EIF3J: variants seen among roughly 807,000 people sequenced by gnomAD.
EIF3J encodes the protein eukaryotic translation initiation factor 3, subunit 1 (alpha, 35kD).
EIF3J carries 15 observed loss-of-function variants against 39.0 expected under a neutral mutation model. The ratio of observed to expected loss-of-function variants is 0.38; its 90% confidence interval spans 0.26 to 0.59. The LOEUF (loss-of-function observed/expected upper bound fraction) is 0.59, where lower values mean the gene tolerates loss of function less well. Among genes scored for constraint, EIF3J ranks in the 20% least tolerant of loss-of-function variants. EIF3J has a pLI of 0.60. For synonymous variants in EIF3J, 98 were observed against 112.9 expected, an observed-to-expected ratio of 0.87 and a Z score of 0.84; for missense variants, 226 against 308.6, an observed-to-expected ratio of 0.73 and a Z score of 2.00.
At chr15:44,539,985 G>A (rs1332566359) in intron 2 of EIF3J, among the ~76,000 whole-genome samples, 18 of 147,204 alleles carry the variant, frequency 1.2e-4, no homozygotes, top group African/African-American at 4.2e-4. Flanking sequence ...TGTCACCCAG[G>A]CTGGAGTGCC....
chr15:44,546,644 G>C (rs1448095786), intron 2 of EIF3J, among the ~76,000 whole-genome samples: 4 of 152,000 alleles, frequency 2.6e-5, no homozygotes, highest in Non-Finnish European at 5.9e-5. Context: ...TGGCTGCTGA[G>C]ACAATGGCCA....
chr15:44,540,969 G>C (rs1395637219), intron 2 of EIF3J, among the ~76,000 whole-genome samples: 1 of 152,134 alleles, frequency 6.6e-6, no homozygotes, highest in Admixed American at 6.5e-5. Context: ...TTAGTATTTT[G>C]CTGTCCTTGA....
chr15:44,562,032 A>G lies in EIF3J; in HGVS notation c.*883A>G, dbSNP rs1423358783. 6.6e-6 allele frequency: 1 copy of G among 152,662 alleles called. No individual in the cohort carries two copies. Among genetic ancestry groups the G allele is most frequent in the Non-Finnish European group, 1.5e-5 (1 of 68,038 alleles). The allele number at this position is 152,662 out of a possible 1,614,324, so 9.5% of individuals were successfully genotyped here. On this transcript the variant is annotated 3_prime_UTR_variant, in exon 8 of 8. Transcript: ENST00000261868. ...AAATTGTTATGTTAACAATTATGAC[A>G]TCTGCAATGTTTTATAAAGCAACTA...
rs1205494417 is a variant in EIF3J at position 44,556,274 on chromosome 15, C to A, written c.410-1215C>A. 2.0e-5 allele frequency among the ~76,000 whole-genome samples: 3 copies of A among 152,192 alleles called. 1 individual carries two copies. The East Asian group carries it at 5.8e-4, about 29-fold the overall frequency. On this transcript the variant is annotated intron_variant, in intron 5 of 7. Coordinates refer to ENST00000261868, the MANE Select transcript of EIF3J (RefSeq NM_003758.4). The stretch of plus-strand genomic sequence containing the variant: ...TCTTTGTTTCTTATTCTTTTTGTTC[C>A]CTCTCTCCCCACTTTACTGTGGGGG...
intron 3 of EIF3J, among the ~76,000 whole-genome samples, 188 bp from the exon 4 acceptor site, chr15:44,551,243 T>G (rs1029499768): frequency 2.6e-5 from 4 of 152,162 alleles, no homozygotes; most frequent in Non-Finnish European, 4.4e-5. Flanking sequence ...AAGAGATATT[T>G]GGATCTTAGG....
intron 2 of EIF3J, among the ~76,000 whole-genome samples, chr15:44,544,288 G>GAT (rs1296308550): frequency 3.3e-5 from 5 of 151,362 alleles, no homozygotes; most frequent in Non-Finnish European, 5.9e-5. Context: ...AGTAGAAACA[G>GAT]GGGTTTGCCA....
In EIF3J at chr15:44,538,663, C is replaced by G. The variant is rs557458158; in HGVS notation, c.147+1236C>G. ...TTTGCACACATTGAAGTTAATAAATCGACTGGTTATTGTTTGAAGACACTC... is the reference window on the plus strand; with the variant it reads ...TTTGCACACATTGAAGTTAATAAATGGACTGGTTATTGTTTGAAGACACTC... On this transcript the variant is annotated intron_variant, in intron 2 of 7. Coordinates refer to ENST00000261868, the MANE Select transcript of EIF3J (RefSeq NM_003758.4). Among the ~76,000 whole-genome samples the G allele has an allele frequency of 3.3e-5, 5 of 152,250 alleles. No individual in the cohort carries two copies. The East Asian group carries it at 9.6e-4, about 29-fold the overall frequency.
chr15:44,547,402 C>T (rs2082062615), intron 2 of EIF3J, among the ~76,000 whole-genome samples: 1 of 151,260 alleles, frequency 6.6e-6, no homozygotes, highest in Non-Finnish European at 1.5e-5. Flanking sequence ...CTTGGCCTCC[C>T]AAAGTGTTGG....
At chr15:44,559,709 A>G (rs1397697551) in intron 6 of EIF3J, among the ~76,000 whole-genome samples, 8 of 150,806 alleles carry the variant, frequency 5.3e-5, no homozygotes, top group East Asian at 2.0e-4. Flanking sequence ...TCCATCTCAA[A>G]AAAAAAAAAA....
At chr15:44,555,570 C>CA (rs2140900786) in intron 5 of EIF3J, among the ~76,000 whole-genome samples, 1 of 152,318 alleles carries the variant, frequency 6.6e-6, no homozygotes, top group Non-Finnish European at 1.5e-5. Context: ...GTCTTAACTG[C>CA]ACTCATCTAA....
intron 4 of EIF3J, among the ~76,000 whole-genome samples, 157 bp from the exon 5 acceptor site, chr15:44,554,396 A>AAC (rs1224100172): frequency 6.6e-5 from 10 of 151,846 alleles, no homozygotes; most frequent in African/African-American, 2.2e-4. Context: ...AAAAAAAAAA[A>AAC]AAAACTAAAG....
In EIF3J at chr15:44,560,299, A is replaced by G. The variant is rs928861757; in HGVS notation, c.622A>G (p.Ser208Gly). The G allele has an allele frequency of 6.2e-7, 1 of 1,612,680 alleles. No individual in the cohort carries two copies. The highest frequency in any genetic ancestry group is 2.2e-5 in the East Asian group (1 of 44,844). The change falls in exon 7 of 8, where the codon AGT becomes GGT. Residue 208 changes from serine to glycine, a missense_variant. This residue lies in a region of EIF3J where 83 missense variants were observed against 152.6 expected (regional missense o/e 0.54). Transcript: ENST00000261868. ...TACCAATTCACTGACTGTGCTTTGCAGTGAAAAACAGAAGCAAGAAAAGGT... is the reference window on the plus strand; with the variant it reads ...TACCAATTCACTGACTGTGCTTTGCGGTGAAAAACAGAAGCAAGAAAAGGT... ...KITNSLTVLC[S>G]EKQKQEKQSK...
intron 2 of EIF3J, among the ~76,000 whole-genome samples, chr15:44,540,016 T>C (rs1322303264): frequency 6.7e-6 from 1 of 149,690 alleles, no homozygotes; most frequent in African/African-American, 2.4e-5. Context: ...CTTGGCTCAC[T>C]GCAACCTCCG....
Position 44,562,694 on chromosome 15 carries a change from A to G in EIF3J, c.*1545A>G, listed in dbSNP as rs1406931944. ...TTCCTTAGCAGTAATAATGACATAC[A>G]CTGAATTGAAAATCTATTTTATTAC... On this transcript the variant is annotated 3_prime_UTR_variant, in exon 8 of 8. Coordinates refer to ENST00000261868, the MANE Select transcript of EIF3J (RefSeq NM_003758.4). 2.4e-5 allele frequency: 4 copies of G among 166,224 alleles called. No individual in the cohort carries two copies. The highest frequency in any genetic ancestry group is 5.3e-5 in the Non-Finnish European group (4 of 76,090). The allele number at this position is 166,224 out of a possible 1,614,324, so 10.3% of individuals were successfully genotyped here.
In EIF3J at chr15:44,550,855, A is replaced by G. The variant is rs1306208876; in HGVS notation, c.148-21A>G. On this transcript the variant is annotated intron_variant, in intron 2 of 7. Coordinates refer to ENST00000261868, the MANE Select transcript of EIF3J (RefSeq NM_003758.4). ...GAAAAGCAAACATGCAAGAATTATT[A>G]ATGGAAGTCCTTTTCTTTAGGATAA... 2.0e-5 allele frequency: 30 copies of G among 1,510,656 alleles called. No individual in the cohort carries two copies. The Admixed American group carries it at 5.3e-4, about 26-fold the overall frequency. 93.6% of individuals were successfully genotyped at this position (1,510,656 alleles called of 1,614,324 possible).
Position 44,537,203 on chromosome 15 carries a change from G to A in EIF3J, c.9G>A (p.Ala3=). 6.2e-7 allele frequency: 1 copy of A among 1,604,776 alleles called. No homozygotes were observed. The highest frequency in any genetic ancestry group is 8.5e-7 in the Non-Finnish European group (1 of 1,175,798). ...CTCACACCCGGCTCGAGATGGCGGC[G>A]GCGGCGGCGGCGGCGGGGGACTCGG... The part of the protein sequence containing the change: MA[A]AAAAAGDSDS... The change falls in exon 1 of 8, where the codon GCG becomes GCA. Residue 3 remains alanine, a synonymous_variant. Transcript: ENST00000261868.
intron 2 of EIF3J, among the ~76,000 whole-genome samples, chr15:44,542,944 T>C (rs1454870162): frequency 1.3e-5 from 2 of 152,246 alleles, no homozygotes; most frequent in Admixed American, 1.3e-4. Context: ...AATAACCATT[T>C]AGGGCTCTTT....
intron 2 of EIF3J, among the ~76,000 whole-genome samples, chr15:44,547,440 C>CTTTTT (rs986408245): frequency 2.9e-4 from 27 of 92,528 alleles, no homozygotes; most frequent in East Asian, 1.1e-3. Flanking sequence ...GGCCTTGATT[C>CTTTTT]TTTTTTTTTT....
chr15:44,537,371 G>A lies in EIF3J; in HGVS notation c.91G>A (p.Gly31Ser). The A allele has an allele frequency of 6.4e-7, 1 of 1,569,016 alleles. No individual in the cohort carries two copies. The highest frequency in any genetic ancestry group is 2.3e-5 in the East Asian group (1 of 42,722). Residue 31 changes from glycine (G) to serine (S), a missense_variant, in exon 2 of 8, where the codon GGC becomes AGC. By Grantham distance (56) the Gly-to-Ser change is moderately conservative. Transcript: ENST00000261868. ...AGACCCAGTGCGGAAGGTGGGGGGC[G>A]GCGGCACTGCCGGCGGGGACCGCTG... ...VEDPVRKVGG[G>S]GTAGGDRWEG...
Sources: allele counts gnomAD v4.1 joint callset (sites outside exome capture counted in the v4.1 genomes callset), GRCh38; gene constraint gnomAD v4.1.1; regional missense constraint gnomAD v4.1.1; transcripts MANE v1.5; gene names NCBI Gene and HGNC (gene_info 2026-07-23, HGNC 2026-07-21).